Variants in RBMS3 observed in about 807,000 individuals in gnomAD.
RBMS3 encodes the protein RNA binding motif single stranded interacting protein 3.
In RBMS3, 27 loss-of-function variants were observed where a neutral mutation model predicts 66.8. The observed-to-expected ratio is 0.40, with a 90% confidence interval of 0.30 to 0.56. The LOEUF (loss-of-function observed/expected upper bound fraction) is 0.56, where lower values mean the gene tolerates loss of function less well. Ranked by LOEUF, RBMS3 falls within the 20% of genes least tolerant of loss-of-function variation. The pLI is 0.40. For synonymous variants in RBMS3, 188 were observed against 183.0 expected (o/e 1.03, Z -0.22); for missense variants, 513 against 549.5 (o/e 0.93, Z 0.66).
At chr3:29,960,840 G>A (rs552249383) in intron 12 of RBMS3, among the ~76,000 whole-genome samples, 405 of 152,184 alleles carry the variant, frequency 2.7e-3, no homozygotes, top group Non-Finnish European at 4.9e-3. Context: ...TAAGTCCTAG[G>A]CTGCACACAG....
intron 1 of RBMS3, among the ~76,000 whole-genome samples, chr3:29,304,417 G>A (rs1045250820): frequency 3.9e-5 from 6 of 151,938 alleles, no homozygotes; most frequent in Non-Finnish European, 8.8e-5. Flanking sequence ...GACTATATCT[G>A]TACTCGCCAC....
At chr3:29,335,046 GACTAT>G in intron 1 of RBMS3, among the ~76,000 whole-genome samples, 1 of 151,690 alleles carries the variant, frequency 6.6e-6, no homozygotes, top group Non-Finnish European at 1.5e-5. Flanking sequence ...TTTTCCTCCT[GACTAT>G]AGGTCTGCCT....
intron 6 of RBMS3, among the ~76,000 whole-genome samples, chr3:29,845,702 G>A (rs1279880827): frequency 3.3e-5 from 5 of 152,148 alleles, no homozygotes; most frequent in African/African-American, 9.7e-5. Flanking sequence ...GAATTCTGGA[G>A]CAGTGAAGAG....
At chr3:29,987,441 A>G (rs1184198756) in intron 12 of RBMS3, among the ~76,000 whole-genome samples, 1 of 152,170 alleles carries the variant, frequency 6.6e-6, no homozygotes, top group Non-Finnish European at 1.5e-5. Flanking sequence ...ATTGACTACT[A>G]CAACTTAGCA....
intron 4 of RBMS3, among the ~76,000 whole-genome samples, chr3:29,643,513 T>C (rs1452502047): frequency 6.6e-6 from 1 of 152,130 alleles, no homozygotes; most frequent in African/African-American, 2.4e-5. Context: ...TTGACGAGCT[T>C]CTGACTTTCC....
intron 4 of RBMS3, among the ~76,000 whole-genome samples, chr3:29,718,002 A>G (rs1312076419): frequency 6.6e-6 from 1 of 152,146 alleles, no homozygotes; most frequent in Non-Finnish European, 1.5e-5. Context: ...AAGTCACAGG[A>G]GGACAATCAT....
At position 29,739,838 on chromosome 3, in the gene RBMS3, G is replaced by A; in HGVS notation, c.518G>A (p.Arg173Lys). Reference protein sequence around the residue: ...FGHVISTRILRDANGVSRGVG... With the variant: ...FGHVISTRILKDANGVSRGVG... ...CATGTCATTTCCACAAGAATACTAAGAGACGCTAATGGAGTCAGCAGAGGT... is the reference window on the plus strand; with the variant it reads ...CATGTCATTTCCACAAGAATACTAAAAGACGCTAATGGAGTCAGCAGAGGT... The change falls in exon 5 of 15, where the codon AGA becomes AAA. Residue 173 changes from arginine to lysine, a missense_variant. Transcript: ENST00000383767. 3.7e-6 allele frequency: 6 copies of A among 1,612,396 alleles called. No homozygotes were observed. Among genetic ancestry groups the A allele is most frequent in the Non-Finnish European group, 5.1e-6 (6 of 1,179,334 alleles).
intron 2 of RBMS3, among the ~76,000 whole-genome samples, chr3:29,480,092 T>A (rs2043079266): frequency 1.3e-5 from 2 of 152,220 alleles, no homozygotes; most frequent in Non-Finnish European, 2.9e-5. Context: ...TAACTCTAAC[T>A]GGAGATTCAG....
chr3:29,667,426 A>G (rs1445841763), intron 4 of RBMS3, among the ~76,000 whole-genome samples: 3 of 152,078 alleles, frequency 2.0e-5, no homozygotes, highest in Non-Finnish European at 4.4e-5. Flanking sequence ...CCTACCCCAA[A>G]CCTATTAATC....
chr3:29,753,518 C>G (rs75176495), intron 5 of RBMS3, among the ~76,000 whole-genome samples: 3,559 of 152,258 alleles, frequency 0.023, 141 homozygotes, highest in African/African-American at 0.08. Context: ...AAATGAGTAG[C>G]CCCGTACATT....
At chr3:29,882,784 A>AAT (rs1245306330) in intron 7 of RBMS3, among the ~76,000 whole-genome samples, 1 of 152,124 alleles carries the variant, frequency 6.6e-6, no homozygotes, top group Admixed American at 6.6e-5. Context: ...ACAATGGAAA[A>AAT]ATAAAAAAAC....
intron 3 of RBMS3, among the ~76,000 whole-genome samples, chr3:29,534,131 G>A (rs2045465838): frequency 6.6e-6 from 1 of 152,182 alleles, no homozygotes; most frequent in South Asian, 2.1e-4. Flanking sequence ...CATAATAATA[G>A]CACCTGCCAC....
At chr3:29,394,136 A>T (rs1164819877) in intron 1 of RBMS3, among the ~76,000 whole-genome samples, 1 of 152,168 alleles carries the variant, frequency 6.6e-6, no homozygotes, top group African/African-American at 2.4e-5. Context: ...TCAACTGCAT[A>T]AGACAGACAC....
At position 29,916,205 on chromosome 3, in the gene RBMS3, T is replaced by C. The variant is rs143881419; in HGVS notation, c.939+16450T>C. Among the ~76,000 whole-genome samples the C allele has an allele frequency of 2.8e-3, 430 of 152,110 alleles. 4 individuals are homozygous for C. Among genetic ancestry groups the C allele is most frequent in the African/African-American group, 8.5e-3 (353 of 41,570 alleles). Reference sequence around the variant, plus strand: ...AGGAAAGCCCTTCTACTTTTCCTCATATCCCTGTACTCTCTCTGATAAATC... The same window carrying C: ...AGGAAAGCCCTTCTACTTTTCCTCACATCCCTGTACTCTCTCTGATAAATC... On this transcript the variant is annotated intron_variant, in intron 10 of 14. Coordinates refer to ENST00000383767, the MANE Select transcript of RBMS3 (RefSeq NM_001003793.3).
intron 4 of RBMS3, chr3:29,730,796 A>T (rs942306958): frequency 1.1e-6 from 1 of 903,770 alleles, no homozygotes; most frequent in African/African-American, 1.8e-5. Flanking sequence ...CACGAGTACA[A>T]AACAATATAT....
At chr3:29,608,170 T>G (rs2048374279) in intron 4 of RBMS3, among the ~76,000 whole-genome samples, 1 of 151,850 alleles carries the variant, frequency 6.6e-6, no homozygotes, top group Non-Finnish European at 1.5e-5. Context: ...ATCATATTAT[T>G]TCACCTATAT....
intron 11 of RBMS3, among the ~76,000 whole-genome samples, chr3:29,939,404 G>A (rs1281663074): frequency 1.3e-5 from 2 of 151,904 alleles, no homozygotes; most frequent in Non-Finnish European, 2.9e-5. Flanking sequence ...GAGAGGTGGT[G>A]CCTTTGGCAG....
intron 10 of RBMS3, among the ~76,000 whole-genome samples, chr3:29,907,025 T>C (rs1445803439): frequency 1.3e-5 from 2 of 152,162 alleles, no homozygotes; most frequent in Non-Finnish European, 2.9e-5. Flanking sequence ...TTTACACTGG[T>C]TTACCCAATC....
At chr3:29,716,381 T>C (rs1047510110) in intron 4 of RBMS3, among the ~76,000 whole-genome samples, 45 of 152,244 alleles carry the variant, frequency 3.0e-4, no homozygotes, top group Admixed American at 3.3e-4. Context: ...AAGCTCTGAA[T>C]TGATATTAGT....
Sources: gnomAD v4.1 joint callset for allele counts (sites outside exome capture counted in the v4.1 genomes callset) on GRCh38, gnomAD v4.1.1 for gene constraint, MANE v1.5 for transcripts, NCBI Gene and HGNC (gene_info 2026-07-23, HGNC 2026-07-21) for gene names.